The following LMF1 variants were observed in gnomAD, a reference collection of about 807,000 sequenced individuals.
The protein encoded by LMF1 is lipase maturation factor 1.
A neutral mutation model predicts 60.6 loss-of-function variants in LMF1; 68 were observed. The ratio of observed to expected loss-of-function variants is 1.12; its 90% confidence interval spans 0.92 to 1.37. The LOEUF is 1.37. Ranked by LOEUF, LMF1 falls within the 40% of genes most tolerant of loss-of-function variation. The pLI is 0.00. For missense variants in LMF1, 948 were observed against 767.2 expected (o/e 1.24, Z -2.78); for synonymous variants, 418 against 324.7 (o/e 1.29, Z -3.09).
At chr16:977,384 G>T (rs117661550) in intron 1 of LMF1, among the ~76,000 whole-genome samples, 2 of 152,140 alleles carry the variant, frequency 1.3e-5, no homozygotes. Context: ...CTGGAGACCC[G>T]TCCGGGGGCG....
chr16:949,476 C>A (rs1267683583), intron 2 of LMF1, among the ~76,000 whole-genome samples: 1 of 145,754 alleles, frequency 6.9e-6, no homozygotes, highest in South Asian at 2.2e-4. Flanking sequence ...TCAGAGCCAA[C>A]GACAGAGTCA....
At chr16:971,914 A>G (rs1411396504), upstream of LMF1, among the ~76,000 whole-genome samples, 1 of 152,094 alleles carries the variant, frequency 6.6e-6, no homozygotes, top group Admixed American at 6.5e-5. Context: ...TTTTGTGTAT[A>G]TTGGAAATAT....
chr16:927,461 G>C (rs903737823), intron 3 of LMF1, among the ~76,000 whole-genome samples: 2 of 152,266 alleles, frequency 1.3e-5, no homozygotes, highest in Admixed American at 1.3e-4. Context: ...AAAGGACCCA[G>C]AGAGGAGCTG....
chr16:915,540 G>A (rs768374731), intron 3 of LMF1, among the ~76,000 whole-genome samples: 1 of 152,172 alleles, frequency 6.6e-6, no homozygotes, highest in Non-Finnish European at 1.5e-5. Flanking sequence ...CCTGGGGCAT[G>A]TGGGAACATG....
At chr16:891,329 G>A (rs9930349) in intron 5 of LMF1, among the ~76,000 whole-genome samples, 57,702 of 152,146 alleles carry the variant, frequency 0.38, 12,058 homozygotes, top group African/African-American at 0.54. Flanking sequence ...TTCACTGAAG[G>A]GATGCAGCCC....
chr16:895,062 A>G (rs2070624532), intron 4 of LMF1, among the ~76,000 whole-genome samples: 1 of 152,022 alleles, frequency 6.6e-6, no homozygotes, highest in Non-Finnish European at 1.5e-5. Context: ...CCGCGGGGGG[A>G]GGCCCAGGAG....
chr16:952,291 A>G (rs937408713), intron 2 of LMF1, among the ~76,000 whole-genome samples: 38 of 145,378 alleles, frequency 2.6e-4, no homozygotes, highest in African/African-American at 8.3e-4. Flanking sequence ...CCACTCCAGC[A>G]CAGCCACAAA....
At position 970,912 on chromosome 16, in the gene LMF1, C is replaced by T. The variant is rs376435070; in HGVS notation, c.69G>A (p.Ser23=). 1.8e-5 allele frequency: 28 copies of T among 1,580,592 alleles called. No homozygotes were observed. The highest frequency in any genetic ancestry group is 5.8e-5 in the South Asian group (5 of 86,750). Residue 23 remains serine, a synonymous_variant, in exon 1 of 11, where the codon TCG becomes TCA. Coordinates refer to ENST00000262301, the MANE Select transcript of LMF1 (RefSeq NM_022773.4). ...CGGGCGGCGACTCAGGCTCCGGATCCGAGTACCCAGTCTTCCGCCTCCTCA... is the reference window on the plus strand; with the variant it reads ...CGGGCGGCGACTCAGGCTCCGGATCTGAGTACCCAGTCTTCCGCCTCCTCA... ...ESLRRRKTGY[S]DPEPESPPAP...
chr16:931,109 A>G (rs1483255566), intron 3 of LMF1, among the ~76,000 whole-genome samples: 1 of 151,822 alleles, frequency 6.6e-6, no homozygotes, highest in East Asian at 1.9e-4. Context: ...CGACAGAGCG[A>G]GACTCCATCT....
chr16:972,468 C>T (rs2073068629), upstream of LMF1, among the ~76,000 whole-genome samples: 1 of 152,228 alleles, frequency 6.6e-6, no homozygotes, highest in African/African-American at 2.4e-5. Flanking sequence ...ACCCGTACCT[C>T]TCCTCGTGAC....
intron 5 of LMF1, among the ~76,000 whole-genome samples, chr16:891,885 CA>C (rs144966939): frequency 0.059 from 8,954 of 152,332 alleles, 336 homozygotes; most frequent in Admixed American, 0.086. Context: ...TGGGACCATC[CA>C]GCCAAAGAGC....
chr16:906,207 C>T (rs1366638406), intron 4 of LMF1, among the ~76,000 whole-genome samples: 1 of 152,152 alleles, frequency 6.6e-6, no homozygotes, highest in East Asian at 1.9e-4. Context: ...TTTCTTGGTT[C>T]TCTATTTTGC....
chr16:857,414 G>A (rs1458294834), intron 10 of LMF1, among the ~76,000 whole-genome samples: 3 of 152,198 alleles, frequency 2.0e-5, no homozygotes, highest in African/African-American at 7.2e-5. Flanking sequence ...TATTCCAGCC[G>A]TTTTGATGGG....
intron 1 of LMF1, chr16:979,154 GCCATCCCGACA>G (rs978548163): frequency 2.5e-5 from 11 of 444,632 alleles, no homozygotes; most frequent in Admixed American, 2.1e-4. Flanking sequence ...TGACCCTCAA[GCCATCCCGACA>G]CCTCCCTCTC....
intron 3 of LMF1, among the ~76,000 whole-genome samples, chr16:920,736 A>C (rs956634142): frequency 6.6e-5 from 10 of 152,242 alleles, no homozygotes; most frequent in Admixed American, 2.6e-4. Context: ...TATCATAGTC[A>C]AGAAACTGGC....
chr16:876,620 A>G (rs2069988366), intron 6 of LMF1, among the ~76,000 whole-genome samples: 1 of 152,020 alleles, frequency 6.6e-6, no homozygotes, highest in Admixed American at 6.5e-5. Context: ...AAATAAGTCA[A>G]TTAATAAAAC....
chr16:941,307 C>T (rs537194530), intron 2 of LMF1, among the ~76,000 whole-genome samples: 7 of 152,220 alleles, frequency 4.6e-5, no homozygotes, highest in Non-Finnish European at 8.8e-5. Context: ...CAACCTCTGC[C>T]TCCTGGGTTC....
intron 4 of LMF1, chr16:900,289 AT>A (rs2070773649): frequency 6.6e-6 from 1 of 152,152 alleles, no homozygotes; most frequent in Non-Finnish European, 1.5e-5. Context: ...GGGCTTACGT[AT>A]TCCACATTTC....
rs1250990701 is a variant in LMF1, at chr16:853,931, G to T, written c.*601C>A. The T allele has an allele frequency of 2.2e-6, 1 of 454,098 alleles. No homozygotes were observed. Among genetic ancestry groups the T allele is most frequent in the East Asian group, 6.9e-5 (1 of 14,390 alleles). The allele number at this position is 454,098 out of a possible 1,614,324, so 28.1% of individuals were successfully genotyped here. ...ATGTGTGCACAGGCTGTGTGTGCCT[G>T]CATGTGTGGGATGCGTGTAGGCTGT... is the stretch of plus-strand genomic sequence containing the variant. On this transcript the variant is annotated 3_prime_UTR_variant, in exon 11 of 11. Transcript: ENST00000262301.
Sources: gnomAD v4.1 joint callset for allele counts (sites outside exome capture counted in the v4.1 genomes callset) on GRCh38, gnomAD v4.1.1 for gene constraint, MANE v1.5 for transcripts, NCBI Gene and HGNC (gene_info 2026-07-23, HGNC 2026-07-21) for gene names.